The following DYNLT2 variants were observed in gnomAD, a reference collection of about 807,000 sequenced individuals.
The protein encoded by DYNLT2 is dynein light chain Tctex-type protein 2.
In DYNLT2, 24 loss-of-function variants were observed where a neutral mutation model predicts 24.3. The observed-to-expected ratio is 0.99, with a 90% CI of 0.71 to 1.39. The LOEUF (loss-of-function observed/expected upper bound fraction) is 1.39, where lower values mean the gene tolerates loss of function less well. Among genes scored for constraint, DYNLT2 ranks in the 40% most tolerant of loss-of-function variants. The pLI is 0.00. For missense variants in DYNLT2, 246 were observed against 234.5 expected (o/e 1.05, Z -0.32); for synonymous variants, 85 against 85.4 (o/e 1.00, Z 0.03).
the DYNLT2 span, among the ~76,000 whole-genome samples, chr6:169,730,754 C>G: frequency 1.3e-5 from 2 of 152,046 alleles, no homozygotes; most frequent in Non-Finnish European, 2.9e-5. Flanking sequence ...AAAAATTAGC[C>G]GGGCATGGTG....
chr6:169,725,295 C>T, the DYNLT2 span: 2 of 398,668 alleles, frequency 5.0e-6, no homozygotes, highest in Non-Finnish European at 4.4e-6. Flanking sequence ...AATCCGGTTT[C>T]CTTTCCATTC....
the DYNLT2 span, among the ~76,000 whole-genome samples, chr6:169,726,312 TAA>T: frequency 0.077 from 11,267 of 146,182 alleles, 515 homozygotes; most frequent in Non-Finnish European, 0.1. Context: ...AACTAGCAAC[TAA>T]AAAAAAAAAT....
chr6:169,741,141 T>C (rs1343945058), intron 3 of DYNLT2, among the ~76,000 whole-genome samples: 5 of 152,174 alleles, frequency 3.3e-5, no homozygotes, highest in African/African-American at 9.6e-5. Context: ...CTTCTCCTAT[T>C]AGGAAGTTGA....
chr6:169,750,465 G>T (rs568659796), intron 1 of DYNLT2: 4 of 152,082 alleles, frequency 2.6e-5, no homozygotes, highest in Admixed American at 6.5e-5. Flanking sequence ...CTGAAATTTC[G>T]CCATTATTTT....
chr6:169,740,271 T>C lies in DYNLT2; in HGVS notation c.511A>G (p.Ile171Val). The C allele has an allele frequency of 6.2e-7, 1 of 1,613,992 alleles. No individual in the cohort carries two copies. The highest frequency in any genetic ancestry group is 8.5e-7 in the Non-Finnish European group (1 of 1,179,852). ...GCTGCGACCCAGCTGTCCCATGCAATGTCCCAGATCCATCTGCTGGCAATC... is the reference window on the plus strand; with the variant it reads ...GCTGCGACCCAGCTGTCCCATGCAACGTCCCAGATCCATCTGCTGGCAATC... Reference protein sequence around the residue: ...INIASRWIWDIAWDSWVAAKH... With the variant: ...INIASRWIWDVAWDSWVAAKH... The change falls in exon 4 of 4, where the codon ATT (isoleucine) becomes GTT (valine). Residue 171 changes from isoleucine to valine, a missense_variant. Transcript: ENST00000366774.
chr6:169,736,355 C>G (rs1176418734), downstream of DYNLT2, among the ~76,000 whole-genome samples: 2 of 152,100 alleles, frequency 1.3e-5, no homozygotes, highest in Admixed American at 6.6e-5. Context: ...TTGATCCTGT[C>G]ATAATGCTAT....
At chr6:169,731,347 A>C in the DYNLT2 span, among the ~76,000 whole-genome samples, 5 of 152,236 alleles carry the variant, frequency 3.3e-5, no homozygotes, top group Non-Finnish European at 7.3e-5. Context: ...AAGGCAATCA[A>C]GAGCCACTGA....
At chr6:169,747,849 T>C (rs770944291) in intron 1 of DYNLT2, among the ~76,000 whole-genome samples, 3 of 152,196 alleles carry the variant, frequency 2.0e-5, no homozygotes, top group Admixed American at 6.5e-5. Flanking sequence ...GACCAGACAG[T>C]GTGAATTTTA....
At chr6:169,742,219 C>A (rs898398628) in intron 3 of DYNLT2, among the ~76,000 whole-genome samples, 1 of 152,164 alleles carries the variant, frequency 6.6e-6, no homozygotes, top group South Asian at 2.1e-4. Flanking sequence ...CAGATAATTT[C>A]ATTTAATCTT....
At chr6:169,739,498 G>C (rs937419928), downstream of DYNLT2, among the ~76,000 whole-genome samples, 1 of 152,066 alleles carries the variant, frequency 6.6e-6, no homozygotes, top group Non-Finnish European at 1.5e-5. Flanking sequence ...GGGGAGAATG[G>C]GAAGTTGGAG....
chr6:169,746,353 A>G (rs1466335040), intron 1 of DYNLT2, among the ~76,000 whole-genome samples: 1 of 151,992 alleles, frequency 6.6e-6, no homozygotes, highest in Non-Finnish European at 1.5e-5. Flanking sequence ...TTTCTAATAT[A>G]TGCACACATT....
intron 1 of DYNLT2, among the ~76,000 whole-genome samples, chr6:169,744,749 A>C (rs1276654986): frequency 6.6e-6 from 1 of 150,406 alleles, no homozygotes; most frequent in Non-Finnish European, 1.5e-5. Context: ...CACATTCGTA[A>C]GTCTTAAGGT....
chr6:169,735,462 C>T (rs1166225245), downstream of DYNLT2, among the ~76,000 whole-genome samples: 11 of 152,124 alleles, frequency 7.2e-5, no homozygotes, highest in Admixed American at 7.2e-4. Flanking sequence ...TTAGCTGTGT[C>T]CCAGAGATTC....
chr6:169,731,900 A>T, the DYNLT2 span, among the ~76,000 whole-genome samples: 2 of 152,056 alleles, frequency 1.3e-5, no homozygotes, highest in Non-Finnish European at 1.5e-5. Flanking sequence ...GCTTGATTAC[A>T]TATTATTTAC....
chr6:169,730,259 G>A, the DYNLT2 span, among the ~76,000 whole-genome samples: 3 of 152,128 alleles, frequency 2.0e-5, no homozygotes, highest in Non-Finnish European at 4.4e-5. Flanking sequence ...GATGACAGGA[G>A]TTGGGTGGGG....
chr6:169,750,589 A>C (rs1255031272), intron 1 of DYNLT2: 1 of 152,208 alleles, frequency 6.6e-6, no homozygotes, highest in Non-Finnish European at 1.5e-5. Flanking sequence ...GTACGAAGAG[A>C]AACCAGTATA....
chr6:169,749,027 A>G (rs1789879002), intron 1 of DYNLT2, among the ~76,000 whole-genome samples: 1 of 152,212 alleles, frequency 6.6e-6, no homozygotes, highest in Non-Finnish European at 1.5e-5. Context: ...GCCTACATAT[A>G]GCCCTAAAAT....
chr6:169,728,770 C>T, the DYNLT2 span, among the ~76,000 whole-genome samples: 14 of 152,112 alleles, frequency 9.2e-5, no homozygotes, highest in African/African-American at 3.1e-4. Context: ...AACAACTTAC[C>T]AATAGTAGTG....
At chr6:169,738,338 T>C (rs1008484740), downstream of DYNLT2, among the ~76,000 whole-genome samples, 1 of 152,236 alleles carries the variant, frequency 6.6e-6, no homozygotes, top group Non-Finnish European at 1.5e-5. Flanking sequence ...CTCATGGGAA[T>C]TGGGTAAGCT....
Sources: allele counts gnomAD v4.1 joint callset (sites outside exome capture counted in the v4.1 genomes callset), GRCh38; gene constraint gnomAD v4.1.1; transcripts MANE v1.5; gene names NCBI Gene and HGNC (gene_info 2026-07-23, HGNC 2026-07-21).